Variants in GNPAT observed in about 807,000 individuals in gnomAD.
GNPAT encodes the protein dihydroxyacetone phosphate acyltransferase.
A neutral mutation model predicts 78.4 loss-of-function variants in GNPAT; 30 were observed. That is an observed-to-expected ratio of 0.38 (90% CI 0.29 to 0.52). The LOEUF (loss-of-function observed/expected upper bound fraction) is 0.52, where lower values mean the gene tolerates loss of function less well. Among genes scored for constraint, GNPAT ranks in the 20% least tolerant of loss-of-function variants. The pLI is 0.84. For missense variants in GNPAT, 714 were observed against 812.2 expected, an observed-to-expected ratio of 0.88 and a Z score of 1.47; for synonymous variants, 271 against 281.1, an observed-to-expected ratio of 0.96 and a Z score of 0.36.
intron 11 of GNPAT, among the ~76,000 whole-genome samples, chr1:231,273,090 G>A (rs938581236): frequency 6.6e-6 from 1 of 152,174 alleles, no homozygotes; most frequent in Non-Finnish European, 1.5e-5. Flanking sequence ...TGCTGGTCCT[G>A]CCTGGTCTAG....
chr1:231,271,825 G>C (rs537859620), intron 10 of GNPAT, among the ~76,000 whole-genome samples: 1 of 152,176 alleles, frequency 6.6e-6, no homozygotes, highest in African/African-American at 2.4e-5. Flanking sequence ...TGCTAGGGCC[G>C]GGCGCAGTGG....
intron 2 of GNPAT, among the ~76,000 whole-genome samples, chr1:231,252,856 CTTTA>C (rs1684937872): frequency 6.6e-6 from 1 of 152,198 alleles, no homozygotes; most frequent in Non-Finnish European, 1.5e-5. Context: ...GACGCTGCCT[CTTTA>C]TTTGTGTAGA....
chr1:231,243,387 G>T (rs1042972757), intron 1 of GNPAT, among the ~76,000 whole-genome samples: 1 of 152,130 alleles, frequency 6.6e-6, no homozygotes, highest in African/African-American at 2.4e-5. Flanking sequence ...ACAGTGGCTC[G>T]ATCTTGGTTC....
rs112914681 is a variant in GNPAT at position 231,265,139 on chromosome 1, G to A, written c.569-154G>A. Among the ~76,000 whole-genome samples, 474 of 152,284 alleles carry A rather than the reference G, an allele frequency of 3.1e-3. 7 individuals are homozygous for A. Among genetic ancestry groups the A allele is most frequent in the Admixed American group, 0.012 (181 of 15,292 alleles). ...AGGCCGAGGCAGGAGGACTGCTTGA[G>A]GCCAGGAAGTTTGTGACCAACCTAG... is the stretch of plus-strand genomic sequence containing the variant. On this transcript the variant is annotated intron_variant, in intron 4 of 15. Coordinates refer to ENST00000366647, the MANE Select transcript of GNPAT (RefSeq NM_014236.4).
At chr1:231,246,451 TCA>T (rs1684751609) in intron 1 of GNPAT, among the ~76,000 whole-genome samples, 1 of 152,180 alleles carries the variant, frequency 6.6e-6, no homozygotes, top group African/African-American at 2.4e-5. Flanking sequence ...CTGTGAGCTC[TCA>T]GTCACTATCT....
chr1:231,264,568 A>C (rs1182956838), intron 4 of GNPAT, among the ~76,000 whole-genome samples: 1 of 152,228 alleles, frequency 6.6e-6, no homozygotes, highest in Non-Finnish European at 1.5e-5. Flanking sequence ...GAACTTAAGC[A>C]CTTTAAAAGC....
At position 231,257,966 on chromosome 1, in the gene GNPAT, T is replaced by G. The variant is rs187516480; in HGVS notation, c.262-2541T>G. On this transcript the variant is annotated intron_variant, in intron 2 of 15. Coordinates refer to ENST00000366647, the MANE Select transcript of GNPAT (RefSeq NM_014236.4). ...GAACCATCACCCTGCCCTGCCCTTC[T>G]CTTTAGCACCTGTCATTACCCTTGT... 3.2e-3 allele frequency among the ~76,000 whole-genome samples: 492 copies of G among 152,304 alleles called. 3 individuals are homozygous for G. Among genetic ancestry groups the G allele is most frequent in the African/African-American group, 0.011 (461 of 41,582 alleles).
chr1:231,256,741 C>T (rs930848722), intron 2 of GNPAT, among the ~76,000 whole-genome samples: 4 of 152,126 alleles, frequency 2.6e-5, no homozygotes, highest in Non-Finnish European at 4.4e-5. Flanking sequence ...CCGCCTCGGC[C>T]TCCCAAAGTG....
Position 231,251,089 on chromosome 1 carries a change from T to G in GNPAT, c.207T>G (p.Ile69Met). The G allele has an allele frequency of 6.3e-7, 1 of 1,596,898 alleles. No individual in the cohort carries two copies. Among genetic ancestry groups the G allele is most frequent in the South Asian group, 1.1e-5 (1 of 90,652 alleles). ...VYKGITPCKP[I>M]DIKCSVLNSE... ...AGGGAATTACTCCATGTAAACCAAT[T>G]GATATTAAATGTAGTGTTCTCAATT... is the stretch of plus-strand genomic sequence containing the variant. Residue 69 changes from isoleucine (I) to methionine (M), a missense_variant, in exon 2 of 16, where the codon ATT becomes ATG. Physicochemically the swap from Ile to Met is conservative, Grantham distance 10 (BLOSUM62 1). Coordinates refer to ENST00000366647, the MANE Select transcript of GNPAT (RefSeq NM_014236.4).
chr1:231,251,057 G>A lies in GNPAT; in HGVS notation c.175G>A (p.Val59Ile). The A allele has an allele frequency of 1.3e-6, 2 of 1,593,354 alleles. No homozygotes were observed. The highest frequency in any genetic ancestry group is 1.7e-6 in the Non-Finnish European group (2 of 1,161,072). ...TGCAATGAAATGCTACACACCTCTT[G>A]TCTATAAGGGAATTACTCCATGTAA... ...KFAMKCYTPLVYKGITPCKPI... is the reference protein window; with the variant it reads ...KFAMKCYTPLIYKGITPCKPI... Residue 59 changes from valine to isoleucine, a missense_variant, in exon 2 of 16, where the codon GTC (valine) becomes ATC (isoleucine). Val to Ile is a conservative substitution (Grantham distance 29). Coordinates refer to ENST00000366647, the MANE Select transcript of GNPAT (RefSeq NM_014236.4).
rs532344040 is a variant in GNPAT, at chr1:231,254,088, T to C, written c.261+2945T>C. 4.6e-5 allele frequency among the ~76,000 whole-genome samples: 7 copies of C among 152,314 alleles called. 1 individual carries two copies. The South Asian group carries it at 1.0e-3, about 23-fold the overall frequency. On this transcript the variant is annotated intron_variant, in intron 2 of 15. Coordinates refer to ENST00000366647, the MANE Select transcript of GNPAT (RefSeq NM_014236.4). ...TCGGCCTCCCAAAGTGCTGGATTAC[T>C]GGCATGAGCCACCATGCCCAGCCTT...
chr1:231,268,052 C>G, intron 9 of GNPAT, 149 bp downstream of exon 9: 2 of 687,774 alleles, frequency 2.9e-6, no homozygotes, highest in Middle Eastern at 2.7e-4. Flanking sequence ...CCTGTAATCC[C>G]AGCACTTTGG....
intron 9 of GNPAT, 22 bp from the exon 10 acceptor site, chr1:231,270,736 A>C: frequency 6.2e-7 from 1 of 1,613,766 alleles, no homozygotes; most frequent in South Asian, 1.1e-5. Flanking sequence ...ATCTTGTTTG[A>C]ATGAATTGTC....
At chr1:231,243,310 T>TTTTTTG (rs200975445) in intron 1 of GNPAT, among the ~76,000 whole-genome samples, 1,606 of 152,238 alleles carry the variant, frequency 0.011, 20 homozygotes, top group Non-Finnish European at 0.017. Flanking sequence ...CTGATCTTCC[T>TTTTTTG]TTTTTGTTTT....
chr1:231,272,463 G>T (rs1232907619), intron 11 of GNPAT, 72 bp downstream of exon 11: 1 of 844,474 alleles, frequency 1.2e-6, no homozygotes, highest in African/African-American at 1.7e-5. Context: ...TGAATTCACA[G>T]ATGTGTCTCA....
intron 8 of GNPAT, 61 bp downstream of exon 8, chr1:231,266,468 T>TG: frequency 7.2e-7 from 1 of 1,389,748 alleles, no homozygotes; most frequent in South Asian, 1.2e-5. Flanking sequence ...AGGTGTGAGT[T>TG]GCAATGCTGG....
At chr1:231,256,737 C>T (rs1685079274) in intron 2 of GNPAT, among the ~76,000 whole-genome samples, 1 of 152,026 alleles carries the variant, frequency 6.6e-6, no homozygotes, top group Non-Finnish European at 1.5e-5. Flanking sequence ...CCGCCCGCCT[C>T]GGCCTCCCAA....
chr1:231,254,500 G>C lies in GNPAT; in HGVS notation c.261+3357G>C, dbSNP rs575827536. On this transcript the variant is annotated intron_variant, in intron 2 of 15. Coordinates refer to ENST00000366647, the MANE Select transcript of GNPAT (RefSeq NM_014236.4). Reference sequence around the variant, plus strand: ...TCTGTCACCCAGGCTGGAGGGCAGTGGCGCGATCTCGGCTCACTGCAAGCT... The same window carrying C: ...TCTGTCACCCAGGCTGGAGGGCAGTCGCGCGATCTCGGCTCACTGCAAGCT... 3.8e-3 allele frequency among the ~76,000 whole-genome samples: 573 copies of C among 151,940 alleles called. 2 individuals carry two copies. Among genetic ancestry groups the C allele is most frequent in the Non-Finnish European group, 6.7e-3 (454 of 67,946 alleles).
Position 231,270,831 on chromosome 1 carries a change from C to G in GNPAT, c.1353C>G (p.Asp451Glu), listed in dbSNP as rs749596302. The change falls in exon 10 of 16, where the codon GAC (aspartate) becomes GAG (glutamate). Residue 451 changes from aspartate to glutamate, a missense_variant. By Grantham distance (45) the Asp-to-Glu change is conservative. Transcript: ENST00000366647. ...LHSNIASLVKDQVILKVDSGD... is the reference protein window; with the variant it reads ...LHSNIASLVKEQVILKVDSGD... The stretch of plus-strand genomic sequence containing the variant: ...CCAACATTGCCAGCCTTGTCAAAGA[C>G]CAGGTGATTCTGAAAGTGGACTCCG... The G allele has an allele frequency of 1.7e-5, 28 of 1,613,904 alleles. No individual in the cohort carries two copies. The highest frequency in any genetic ancestry group is 2.2e-5 in the Non-Finnish European group (26 of 1,179,916).
Sources: allele counts gnomAD v4.1 joint callset (sites outside exome capture counted in the v4.1 genomes callset), GRCh38; gene constraint gnomAD v4.1.1; transcripts MANE v1.5; gene names NCBI Gene and HGNC (gene_info 2026-07-23, HGNC 2026-07-21).